Variants in CNTNAP2 observed in about 807,000 individuals in gnomAD.
CNTNAP2 encodes the protein contactin-associated protein-like 2.
A neutral mutation model predicts 155.2 loss-of-function variants in CNTNAP2; 98 were observed. That is an observed-to-expected ratio of 0.63 (90% CI 0.54 to 0.75). The LOEUF (loss-of-function observed/expected upper bound fraction) is 0.75, where lower values mean the gene tolerates loss of function less well. Among genes scored for constraint, CNTNAP2 ranks in the 30% least tolerant of loss-of-function variants. The probability of loss-of-function intolerance (pLI) is 0.00; values close to 1 mark genes in which losing one functional copy is unlikely to be tolerated. For missense variants in CNTNAP2, 1,727 were observed against 1,688.1 expected (o/e 1.02, Z -0.40); for synonymous variants, 651 against 631.2 (o/e 1.03, Z -0.47).
At chr7:147,668,723 G>T (rs1436749955) in intron 13 of CNTNAP2, among the ~76,000 whole-genome samples, 1 of 152,042 alleles carries the variant, frequency 6.6e-6, no homozygotes, top group Admixed American at 6.5e-5. Flanking sequence ...TGTGATAAAA[G>T]AGTAAAAAAT....
At chr7:146,656,729 A>G (rs1800001529) in intron 1 of CNTNAP2, among the ~76,000 whole-genome samples, 1 of 152,214 alleles carries the variant, frequency 6.6e-6, no homozygotes, top group Non-Finnish European at 1.5e-5. Flanking sequence ...AACTTTGGAA[A>G]AATATTCTTG....
chr7:148,183,753 A>T (rs1795076763), intron 18 of CNTNAP2, among the ~76,000 whole-genome samples: 1 of 152,172 alleles, frequency 6.6e-6, no homozygotes, highest in African/African-American at 2.4e-5. Flanking sequence ...AAGAGCTGGG[A>T]TTACAGTCAT....
rs528857934 is a variant in CNTNAP2, at chr7:147,466,888, C to T, written c.1671-19047C>T. ...GAGCCAAGATCATGCCATTGCTCTC[C>T]AGCCTGGGTGACAAGAGTGAAACTC... is the stretch of plus-strand genomic sequence containing the variant. On this transcript the variant is annotated intron_variant, in intron 10 of 23. Coordinates refer to ENST00000361727, the MANE Select transcript of CNTNAP2 (RefSeq NM_014141.6). 1.1e-4 allele frequency among the ~76,000 whole-genome samples: 17 copies of T among 152,262 alleles called. No homozygotes were observed. The East Asian group carries it at 1.2e-3, about 10-fold the overall frequency.
intron 1 of CNTNAP2, among the ~76,000 whole-genome samples, chr7:146,743,539 A>G (rs761018905): frequency 9.2e-5 from 14 of 151,616 alleles, no homozygotes; most frequent in Non-Finnish European, 1.8e-4. Flanking sequence ...CTCTAGAGTA[A>G]TTCACTCTTC....
chr7:146,155,005 T>A (rs1798104028), intron 1 of CNTNAP2, among the ~76,000 whole-genome samples: 1 of 152,218 alleles, frequency 6.6e-6, no homozygotes, highest in Non-Finnish European at 1.5e-5. Context: ...AGATAATATT[T>A]ATTGGTTTGC....
chr7:146,403,861 G>A (rs1795748308), intron 1 of CNTNAP2, among the ~76,000 whole-genome samples: 3 of 152,166 alleles, frequency 2.0e-5, no homozygotes, highest in African/African-American at 4.8e-5. Flanking sequence ...TCAGAACTTG[G>A]ACTTAAAAAA....
At chr7:147,318,390 T>C (rs2620456) in intron 9 of CNTNAP2, among the ~76,000 whole-genome samples, 74,654 of 151,968 alleles carry the variant, frequency 0.49, 19,513 homozygotes, top group East Asian at 0.73. Context: ...TCCAAGATCG[T>C]GCCACTGCAC....
At chr7:148,247,669 T>TTTTC (rs1030341871) in intron 20 of CNTNAP2, among the ~76,000 whole-genome samples, 8 of 149,132 alleles carry the variant, frequency 5.4e-5, no homozygotes, top group South Asian at 4.2e-4. Context: ...ATTTATTTTT[T>TTTTC]TGGAGATAGA....
intron 2 of CNTNAP2, among the ~76,000 whole-genome samples, chr7:146,784,973 CTTT>C (rs11301712): frequency 2.8e-5 from 4 of 141,706 alleles, no homozygotes; most frequent in East Asian, 2.1e-4. Flanking sequence ...TATCCCTTTG[CTTT>C]TTTTTTTTTT....
At chr7:146,130,154 T>A (rs1249721901) in intron 1 of CNTNAP2, among the ~76,000 whole-genome samples, 1 of 152,174 alleles carries the variant, frequency 6.6e-6, no homozygotes, top group African/African-American at 2.4e-5. Flanking sequence ...AAAGAAATTT[T>A]CACTGGTTAG....
At chr7:147,744,308 A>C (rs561886022) in intron 13 of CNTNAP2, among the ~76,000 whole-genome samples, 1 of 152,338 alleles carries the variant, frequency 6.6e-6, no homozygotes, top group South Asian at 2.1e-4. Context: ...AAATTAATTC[A>C]ATAAGCAGAA....
intron 13 of CNTNAP2, among the ~76,000 whole-genome samples, chr7:147,694,424 T>G (rs760583898): frequency 6.6e-6 from 1 of 152,270 alleles, no homozygotes; most frequent in African/African-American, 2.4e-5. Context: ...TTGATATAAA[T>G]TTCTTCTTTA....
intron 1 of CNTNAP2, among the ~76,000 whole-genome samples, chr7:146,376,086 G>C (rs1176921404): frequency 6.6e-6 from 1 of 152,088 alleles, no homozygotes; most frequent in Non-Finnish European, 1.5e-5. Context: ...GTAAGATAGG[G>C]TTCCCACTCT....
At chr7:146,667,326 G>C (rs999389164) in intron 1 of CNTNAP2, among the ~76,000 whole-genome samples, 6 of 152,132 alleles carry the variant, frequency 3.9e-5, no homozygotes, top group South Asian at 2.1e-4. Flanking sequence ...TCTGTATTTT[G>C]TTCCATTAGC....
intron 1 of CNTNAP2, among the ~76,000 whole-genome samples, chr7:146,332,941 A>ATTTTTTTTTTTTTTTTTTTTTT (rs4016094): frequency 9.8e-6 from 1 of 102,456 alleles, no homozygotes; most frequent in East Asian, 2.9e-4. Flanking sequence ...TTCTTCTTCT[A>ATTTTTTTTTTTTTTTTTTTTTT]TTTTTTTTTT....
intron 13 of CNTNAP2, among the ~76,000 whole-genome samples, chr7:147,892,226 C>T (rs1234761379): frequency 6.6e-6 from 1 of 152,132 alleles, no homozygotes; most frequent in African/African-American, 2.4e-5. Flanking sequence ...AATCAGGAAG[C>T]ACGTAAAGAC....
At chr7:146,215,935 A>G (rs1799106020) in intron 1 of CNTNAP2, among the ~76,000 whole-genome samples, 1 of 152,230 alleles carries the variant, frequency 6.6e-6, no homozygotes, top group African/African-American at 2.4e-5. Flanking sequence ...TTAGATGAAG[A>G]TTCATACAAG....
chr7:146,642,483 T>C (rs903830401), intron 1 of CNTNAP2, among the ~76,000 whole-genome samples: 9 of 151,906 alleles, frequency 5.9e-5, no homozygotes, highest in Non-Finnish European at 8.8e-5. Context: ...ACAAAGGACA[T>C]GAACTCATCA....
At chr7:147,452,708 A>G (rs1169346725) in intron 10 of CNTNAP2, among the ~76,000 whole-genome samples, 1 of 152,220 alleles carries the variant, frequency 6.6e-6, no homozygotes, top group East Asian at 1.9e-4. Flanking sequence ...TAATATATAT[A>G]TCAGTCATTA....
Sources: allele counts gnomAD v4.1 joint callset (sites outside exome capture counted in the v4.1 genomes callset), GRCh38; gene constraint gnomAD v4.1.1; transcripts MANE v1.5; gene names NCBI Gene and HGNC (gene_info 2026-07-23, HGNC 2026-07-21).